The following FAM107B variants were observed in gnomAD, a reference collection of about 807,000 sequenced individuals.
FAM107B encodes family with sequence similarity 107 member B.
A neutral mutation model predicts 31.5 loss-of-function variants in FAM107B; 21 were observed. That is an observed-to-expected ratio of 0.67 (90% CI 0.47 to 0.96). FAM107B has a LOEUF of 0.96. Among genes scored for constraint, FAM107B ranks in the 40% least tolerant of loss-of-function variants. The pLI is 0.00. For synonymous variants in FAM107B, 157 were observed against 141.5 expected, an observed-to-expected ratio of 1.11 and a Z score of -0.78; for missense variants, 452 against 377.1, an observed-to-expected ratio of 1.20 and a Z score of -1.64.
intron 1 of FAM107B, among the ~76,000 whole-genome samples, chr10:14,772,093 C>A (rs762285600): frequency 1.3e-5 from 2 of 152,136 alleles, no homozygotes; most frequent in Admixed American, 1.3e-4. Flanking sequence ...TGGTGGCTCA[C>A]TCCTGTAATC....
intron 2 of FAM107B, among the ~76,000 whole-genome samples, chr10:14,570,100 C>A (rs548096591): frequency 1.3e-5 from 2 of 152,108 alleles, no homozygotes; most frequent in South Asian, 4.1e-4. Flanking sequence ...ATCATTGCTA[C>A]AGAAAAAAAC....
At chr10:14,585,506 A>C (rs1279804382) in intron 2 of FAM107B, among the ~76,000 whole-genome samples, 1 of 152,226 alleles carries the variant, frequency 6.6e-6, no homozygotes, top group Non-Finnish European at 1.5e-5. Flanking sequence ...AAGCAAGTAC[A>C]GTCTCTCGAG....
chr10:14,660,885 G>A (rs1854217349), intron 2 of FAM107B, among the ~76,000 whole-genome samples: 1 of 152,176 alleles, frequency 6.6e-6, no homozygotes, highest in South Asian at 2.1e-4. Context: ...GTTTGGATTT[G>A]TGTCCTTCCC....
intron 2 of FAM107B, among the ~76,000 whole-genome samples, chr10:14,560,022 TC>T (rs960138767): frequency 1.3e-5 from 2 of 152,160 alleles, no homozygotes; most frequent in African/African-American, 4.8e-5. Context: ...AACCCTTGCT[TC>T]CCCAATCTCA....
intron 2 of FAM107B, among the ~76,000 whole-genome samples, chr10:14,658,273 C>A (rs1405511083): frequency 6.6e-6 from 1 of 152,202 alleles, no homozygotes; most frequent in African/African-American, 2.4e-5. Flanking sequence ...TCATCATCTA[C>A]AACCCCCAGG....
Position 14,648,905 on chromosome 10 carries a change from C to T in FAM107B, c.469+18729G>A, listed in dbSNP as rs1239215003. Among the ~76,000 whole-genome samples the T allele has an allele frequency of 2.0e-5, 3 of 152,290 alleles. No homozygotes were observed. The East Asian group carries it at 5.8e-4, about 29-fold the overall frequency. On this transcript the variant is annotated intron_variant, in intron 2 of 4. Coordinates refer to ENST00000181796, the MANE Select transcript of FAM107B (RefSeq NM_031453.4). ...TAAAAAAGACACAGAGACAATTCCC[C>T]TAAAGAAGCTTCCTGGTCTTAGAAA...
At position 14,723,495 on chromosome 10, in the gene FAM107B, A is replaced by G. The variant is rs145438459; in HGVS notation, c.411+50758T>C. 2,733 of 590,694 alleles carry G rather than the reference A, an allele frequency of 4.6e-3. 50 individuals carry two copies. The highest frequency in any genetic ancestry group is 0.034 in the East Asian group (939 of 27,470). The allele number at this position is 590,694 out of a possible 1,614,324, so 36.6% of individuals were successfully genotyped here. On this transcript the variant is annotated intron_variant, in intron 1 of 4. Coordinates refer to ENST00000181796, the MANE Select transcript of FAM107B (RefSeq NM_031453.4). Reference sequence around the variant, plus strand: ...GTCACGGGTGTTTACAGGAAATGGTACCACACATGCACAAAACTTCCCAGG... The same window carrying G: ...GTCACGGGTGTTTACAGGAAATGGTGCCACACATGCACAAAACTTCCCAGG...
chr10:14,696,443 T>C (rs902136669), intron 1 of FAM107B, among the ~76,000 whole-genome samples: 1 of 152,216 alleles, frequency 6.6e-6, no homozygotes, highest in Non-Finnish European at 1.5e-5. Context: ...TACTGACCTG[T>C]AGTTTTCTTG....
chr10:14,661,220 G>C (rs1854229680), intron 2 of FAM107B, among the ~76,000 whole-genome samples: 1 of 152,166 alleles, frequency 6.6e-6, no homozygotes. Context: ...GTTCTTTACA[G>C]CAATGCAAGA....
intron 1 of FAM107B, among the ~76,000 whole-genome samples, chr10:14,743,037 T>C (rs1269051209): frequency 6.6e-6 from 1 of 152,210 alleles, no homozygotes; most frequent in African/African-American, 2.4e-5. Flanking sequence ...TTCCCACCTC[T>C]GTTAATTTGA....
chr10:14,583,043 C>T (rs1436358226), intron 2 of FAM107B, among the ~76,000 whole-genome samples: 7 of 149,484 alleles, frequency 4.7e-5, no homozygotes, highest in South Asian at 2.1e-4. Flanking sequence ...GCGGAGATCG[C>T]GCCACTGCAC....
chr10:14,530,879 A>G (rs935922090), intron 2 of FAM107B, among the ~76,000 whole-genome samples: 1 of 152,250 alleles, frequency 6.6e-6, no homozygotes. Context: ...AGTTCAAATG[A>G]AAATTGGAAC....
At chr10:14,739,538 G>T (rs2131571071) in intron 1 of FAM107B, among the ~76,000 whole-genome samples, 1 of 152,294 alleles carries the variant, frequency 6.6e-6, no homozygotes, top group East Asian at 1.9e-4. Context: ...TTTGGGTAGA[G>T]GACCAATTTT....
At chr10:14,548,694 G>C in intron 2 of FAM107B, 1 of 977,610 alleles carries the variant, frequency 1.0e-6, no homozygotes, top group Non-Finnish European at 1.2e-6. Flanking sequence ...TCATTGGCCA[G>C]AACAGTGTCA....
chr10:14,728,851 T>G (rs1400156861), intron 1 of FAM107B, among the ~76,000 whole-genome samples: 1 of 152,166 alleles, frequency 6.6e-6, no homozygotes, highest in African/African-American at 2.4e-5. Context: ...TTGACAAGAG[T>G]AGGCTTTAGA....
chr10:14,675,668 C>A (rs1409425600), intron 1 of FAM107B, among the ~76,000 whole-genome samples: 1 of 152,160 alleles, frequency 6.6e-6, no homozygotes, highest in Non-Finnish European at 1.5e-5. Context: ...CTATTAGGAG[C>A]CATATAACAA....
At chr10:14,677,190 A>G (rs1046306782) in intron 1 of FAM107B, among the ~76,000 whole-genome samples, 1 of 152,094 alleles carries the variant, frequency 6.6e-6, no homozygotes, top group Non-Finnish European at 1.5e-5. Context: ...CCAGGAACTC[A>G]TCAACGCAGC....
chr10:14,738,192 G>A (rs915539665), intron 1 of FAM107B, among the ~76,000 whole-genome samples: 2 of 152,188 alleles, frequency 1.3e-5, no homozygotes, highest in African/African-American at 2.4e-5. Context: ...GGTAATAAAT[G>A]ACTGGATTGG....
At chr10:14,565,244 C>T (rs114607928) in intron 2 of FAM107B, among the ~76,000 whole-genome samples, 1,528 of 152,198 alleles carry the variant, frequency 0.01, 23 homozygotes, top group African/African-American at 0.035. Flanking sequence ...AGCAGGCATT[C>T]GACAAAGGAG....
Sources: gnomAD v4.1 joint callset for allele counts (sites outside exome capture counted in the v4.1 genomes callset) on GRCh38, gnomAD v4.1.1 for gene constraint, MANE v1.5 for transcripts, NCBI Gene and HGNC (gene_info 2026-07-23, HGNC 2026-07-21) for gene names.